TACR3: variants seen among roughly 807,000 people sequenced by gnomAD.
TACR3 encodes tachykinin receptor 3.
TACR3 carries 34 observed loss-of-function variants against 35.0 expected under a neutral mutation model. The observed-to-expected ratio is 0.97, with a 90% CI of 0.74 to 1.30. The LOEUF (loss-of-function observed/expected upper bound fraction) is 1.30. Ranked by LOEUF, TACR3 falls within the 50% of genes most tolerant of loss-of-function variation. The pLI, the probability that TACR3 is intolerant of heterozygous loss-of-function variation, is 0.00. For missense variants in TACR3, 558 were observed against 591.7 expected (o/e 0.94, Z 0.59); for synonymous variants, 233 against 221.1 (o/e 1.05, Z -0.48).
chr4:103,697,402 G>GTTTGTTTATTTA (rs139321846), intron 1 of TACR3, among the ~76,000 whole-genome samples: 67 of 144,974 alleles, frequency 4.6e-4, no homozygotes, highest in African/African-American at 1.6e-3. Flanking sequence ...TTATTTATTT[G>GTTTGTTTATTTA]TTTATTTATT....
chr4:103,652,621 G>T (rs1323114459), intron 3 of TACR3, among the ~76,000 whole-genome samples: 1 of 152,108 alleles, frequency 6.6e-6, no homozygotes, highest in Non-Finnish European at 1.5e-5. Flanking sequence ...CTTCTGGGGT[G>T]ATGATCAGTG....
intron 1 of TACR3, among the ~76,000 whole-genome samples, chr4:103,711,056 C>T (rs1201536659): frequency 6.6e-6 from 1 of 152,118 alleles, no homozygotes; most frequent in Non-Finnish European, 1.5e-5. Context: ...CAAATTCTAC[C>T]AGAGGTACAA....
chr4:103,670,028 C>A (rs1173854600), intron 1 of TACR3, among the ~76,000 whole-genome samples: 1 of 152,030 alleles, frequency 6.6e-6, no homozygotes, highest in Admixed American at 6.6e-5. Flanking sequence ...TCATTCTTCT[C>A]CATAATGGAT....
At chr4:103,677,841 C>G (rs2110207105) in intron 1 of TACR3, among the ~76,000 whole-genome samples, 1 of 151,812 alleles carries the variant, frequency 6.6e-6, no homozygotes, top group South Asian at 2.1e-4. Flanking sequence ...CCTGTACATC[C>G]TGCACATGTA....
At chr4:103,704,579 A>G (rs930083153) in intron 1 of TACR3, among the ~76,000 whole-genome samples, 2 of 152,214 alleles carry the variant, frequency 1.3e-5, no homozygotes, top group African/African-American at 4.8e-5. Context: ...ACTGTTTTAT[A>G]AAATCATCAG....
At chr4:103,704,584 C>T (rs1171675861) in intron 1 of TACR3, among the ~76,000 whole-genome samples, 1 of 152,170 alleles carries the variant, frequency 6.6e-6, no homozygotes, top group Non-Finnish European at 1.5e-5. Context: ...TTTATAAAAT[C>T]ATCAGATCCC....
intron 1 of TACR3, among the ~76,000 whole-genome samples, chr4:103,699,339 C>T (rs1310975029): frequency 2.0e-5 from 3 of 152,052 alleles, no homozygotes; most frequent in Non-Finnish European, 2.9e-5. Flanking sequence ...TGAAGGAGAA[C>T]AGTGATGGCG....
intron 3 of TACR3, among the ~76,000 whole-genome samples, chr4:103,614,769 CATTCAAT>C (rs1403370461): frequency 1.3e-4 from 19 of 150,628 alleles, no homozygotes; most frequent in South Asian, 6.3e-4. Flanking sequence ...GCTTGATATT[CATTCAAT>C]ATTCAATATT....
intron 3 of TACR3, chr4:103,624,615 C>G (rs1724850905): frequency 6.6e-6 from 1 of 152,014 alleles, no homozygotes; most frequent in Non-Finnish European, 1.5e-5. Context: ...TCCCCGAAAT[C>G]TTTGTTGAAA....
At chr4:103,700,205 C>G (rs773333206) in intron 1 of TACR3, among the ~76,000 whole-genome samples, 1 of 152,068 alleles carries the variant, frequency 6.6e-6, no homozygotes, top group Non-Finnish European at 1.5e-5. Flanking sequence ...TGACTTAAAG[C>G]TATCAAAGTA....
Position 103,697,976 on chromosome 4 carries a change from T to A in TACR3, c.548+21152A>T, listed in dbSNP as rs539647421. On this transcript the variant is annotated intron_variant, in intron 1 of 4. Transcript: ENST00000304883. ...AACGGGGATTGCCAGTAACTTCTTA[T>A]GTAGGAAAGATATTGCATTCTGTTA... Among the ~76,000 whole-genome samples, 8 of 152,332 alleles carry A rather than the reference T, an allele frequency of 5.3e-5. No individual in the cohort carries two copies. The East Asian group carries it at 1.4e-3, about 26-fold the overall frequency.
chr4:103,646,235 T>C (rs1725452541), intron 3 of TACR3, among the ~76,000 whole-genome samples: 1 of 151,994 alleles, frequency 6.6e-6, no homozygotes, highest in Non-Finnish European at 1.5e-5. Context: ...AACCGCAACT[T>C]GAAAGCAGTT....
At chr4:103,609,187 C>T (rs989058466) in intron 3 of TACR3, among the ~76,000 whole-genome samples, 2 of 152,050 alleles carry the variant, frequency 1.3e-5, no homozygotes, top group African/African-American at 2.4e-5. Flanking sequence ...TGATAAGCTA[C>T]TAATAGAAAA....
At chr4:103,711,492 C>T (rs1235884101) in intron 1 of TACR3, among the ~76,000 whole-genome samples, 3 of 152,182 alleles carry the variant, frequency 2.0e-5, no homozygotes, top group Admixed American at 6.5e-5. Flanking sequence ...TGGGATGTAT[C>T]TCAAAATAAT....
rs1442991623 is a variant in TACR3, at chr4:103,650,485, A to C, written c.888+5709T>G. 4.4e-5 allele frequency among the ~76,000 whole-genome samples: 6 copies of C among 135,800 alleles called. No homozygotes were observed. In the East Asian group the frequency reaches 8.9e-4, roughly 20 times the overall value. The allele number at this position is 135,800 out of a possible 152,430, so 89.1% of individuals were successfully genotyped here. On this transcript the variant is annotated intron_variant, in intron 3 of 4. Transcript: ENST00000304883. ...AATATATTTATATATATTTATATAT[A>C]AATATGTATTATTTATATATATTTA... is the stretch of plus-strand genomic sequence containing the variant.
At chr4:103,705,017 A>G (rs1288395766) in intron 1 of TACR3, among the ~76,000 whole-genome samples, 1 of 151,982 alleles carries the variant, frequency 6.6e-6, no homozygotes, top group Non-Finnish European at 1.5e-5. Flanking sequence ...TTGTTAGATC[A>G]TTTTCTTTTC....
At chr4:103,592,551 T>G (rs7697019) in intron 3 of TACR3, among the ~76,000 whole-genome samples, 95,493 of 152,094 alleles carry the variant, frequency 0.63, 30,239 homozygotes, top group Non-Finnish European at 0.65. Flanking sequence ...GAGATAAATA[T>G]ATATAGGATG....
At chr4:103,606,693 G>T (rs1225328777) in intron 3 of TACR3, among the ~76,000 whole-genome samples, 2 of 152,126 alleles carry the variant, frequency 1.3e-5, no homozygotes, top group East Asian at 1.9e-4. Flanking sequence ...CTTTGCTGAA[G>T]TTGCTTATCA....
intron 3 of TACR3, among the ~76,000 whole-genome samples, chr4:103,639,813 A>T (rs1725310843): frequency 6.6e-6 from 1 of 151,956 alleles, no homozygotes; most frequent in Admixed American, 6.6e-5. Flanking sequence ...TATCTGTAAA[A>T]TGAAAATAAC....
Sources: gnomAD v4.1 joint callset for allele counts (sites outside exome capture counted in the v4.1 genomes callset) on GRCh38, gnomAD v4.1.1 for gene constraint, MANE v1.5 for transcripts, NCBI Gene and HGNC (gene_info 2026-07-23, HGNC 2026-07-21) for gene names.